The following EAF1 variants were observed in gnomAD, a reference collection of about 807,000 sequenced individuals.
EAF1 encodes the protein ELL associated factor 1.
A neutral mutation model predicts 26.6 loss-of-function variants in EAF1; 19 were observed. The ratio of observed to expected loss-of-function variants is 0.71; its 90% CI spans 0.50 to 1.05. The LOEUF (loss-of-function observed/expected upper bound fraction) is 1.05. Among genes scored for constraint, EAF1 ranks in the 50% least tolerant of loss-of-function variants. The probability of loss-of-function intolerance (pLI) is 0.00; values close to 1 mark genes in which losing one functional copy is unlikely to be tolerated. For synonymous variants in EAF1, 102 were observed against 120.6 expected (o/e 0.85, Z 1.01); for missense variants, 260 against 335.5 (o/e 0.78, Z 1.76).
At chr3:15,433,608 G>A (rs995328507) in intron 3 of EAF1, among the ~76,000 whole-genome samples, 11 of 152,216 alleles carry the variant, frequency 7.2e-5, no homozygotes, top group Non-Finnish European at 1.2e-4. Flanking sequence ...GCTTGGGATG[G>A]AATTCTGCTT....
intron 2 of EAF1, among the ~76,000 whole-genome samples, chr3:15,431,362 A>C (rs573003272): frequency 6.6e-6 from 1 of 152,348 alleles, no homozygotes; most frequent in Non-Finnish European, 1.5e-5. Context: ...AGGTTGGGTC[A>C]TTTAAAGAGA....
In EAF1 at chr3:15,440,204, T is replaced by G. The variant is rs1013387333; in HGVS notation, c.*1049T>G. ...TAGATAGAAGTTCTGCAATATGAAA[T>G]GAGCACATTCTTTGATAAGGCGTAT... On this transcript the variant is annotated 3_prime_UTR_variant, in exon 6 of 6. Coordinates refer to ENST00000396842, the MANE Select transcript of EAF1 (RefSeq NM_033083.7). 6.6e-6 allele frequency: 1 copy of G among 152,198 alleles called. No homozygotes were observed. The highest frequency in any genetic ancestry group is 2.4e-5 in the African/African-American group (1 of 41,452). The allele number at this position is 152,198 out of a possible 1,614,324, so 9.4% of individuals were successfully genotyped here.
chr3:15,427,990 C>G, intron 1 of EAF1, 108 bp downstream of exon 1: 1 of 876,180 alleles, frequency 1.1e-6, no homozygotes. Flanking sequence ...GAACCCCCTG[C>G]CAGCGTCAGT....
Position 15,439,399 on chromosome 3 carries a change from T to C in EAF1, c.*244T>C. On this transcript the variant is annotated 3_prime_UTR_variant, in exon 6 of 6. Coordinates refer to ENST00000396842, the MANE Select transcript of EAF1 (RefSeq NM_033083.7). ...AGACCTGTAGAAGAGCTAACAGAAT[T>C]ATATTTCTATTTAGTTAAAATTGTT... 2.5e-6 allele frequency: 1 copy of C among 393,664 alleles called. No homozygotes were observed. 24.4% of individuals were successfully genotyped at this position (393,664 alleles called of 1,614,324 possible).
chr3:15,434,778 T>A (rs1291962656), intron 4 of EAF1, among the ~76,000 whole-genome samples: 5 of 152,246 alleles, frequency 3.3e-5, no homozygotes, highest in African/African-American at 7.2e-5. Flanking sequence ...GTAGCCATTC[T>A]GCTTAGAGGC....
In EAF1 at chr3:15,432,119, G is replaced by A. The variant is rs1275251747; in HGVS notation, c.231G>A (p.Gly77=). The change falls in exon 3 of 6, where the codon GGG becomes GGA. Residue 77 remains glycine, a synonymous_variant. Transcript: ENST00000396842. ...GSTPPMTVFK[G]NKRPYQKDCV... ...CACCACCCATGACTGTGTTCAAGGG[G>A]AACAAACGGCCTTACCAGAAAGACT... The A allele has an allele frequency of 3.1e-6, 5 of 1,613,974 alleles. No individual in the cohort carries two copies. The highest frequency in any genetic ancestry group is 4.2e-6 in the Non-Finnish European group (5 of 1,180,004).
At chr3:15,434,592 T>C in intron 4 of EAF1, 54 bp downstream of exon 4, 1 of 1,591,690 alleles carries the variant, frequency 6.3e-7, no homozygotes, top group Non-Finnish European at 8.6e-7. Flanking sequence ...GTGCTGAATT[T>C]TCTTGTGGAG....
At chr3:15,436,067 A>C (rs2061832911) in intron 4 of EAF1, 5 of 238,290 alleles carry the variant, frequency 2.1e-5, no homozygotes, top group Admixed American at 1.0e-4. Flanking sequence ...AATGGACTTA[A>C]TTCATTTCTT....
chr3:15,427,614 C>A lies in EAF1; in HGVS notation c.-166C>A. ...CTCAGATTCCTCTCTCACCCCCACGCAGAGGAGAGAACTTGCTTCTGGACC... is the reference window on the plus strand; with the variant it reads ...CTCAGATTCCTCTCTCACCCCCACGAAGAGGAGAGAACTTGCTTCTGGACC... On this transcript the variant is annotated 5_prime_UTR_variant, in exon 1 of 6. Transcript: ENST00000396842. The A allele has an allele frequency of 1.5e-6, 1 of 647,150 alleles. No homozygotes were observed. The highest frequency in any genetic ancestry group is 2.7e-6 in the Non-Finnish European group (1 of 369,798). 40.1% of individuals were successfully genotyped at this position (647,150 alleles called of 1,614,324 possible).
At chr3:15,435,553 T>C (rs527536734) in intron 4 of EAF1, among the ~76,000 whole-genome samples, 1 of 151,424 alleles carries the variant, frequency 6.6e-6, no homozygotes, top group Non-Finnish European at 1.5e-5. Flanking sequence ...AGAGCATGAG[T>C]GGTTAGTTGT....
chr3:15,436,224 T>G, intron 4 of EAF1, 118 bp from the exon 5 acceptor site: 1 of 734,042 alleles, frequency 1.4e-6, no homozygotes, highest in Non-Finnish European at 2.1e-6. Context: ...GAAGTAGGAC[T>G]TTGTTTTAAA....
At chr3:15,432,325 A>G (rs1283262583) in intron 3 of EAF1, 102 bp downstream of exon 3, 1 of 1,445,838 alleles carries the variant, frequency 6.9e-7, no homozygotes, top group East Asian at 2.3e-5. Context: ...ATAGTGTTCT[A>G]TCAATAATCT....
At position 15,433,233 on chromosome 3, in the gene EAF1, TAA is replaced by T. The variant is rs11328510; in HGVS notation, c.335+1032_335+1033del. ...AGTGAGTACGAAAGGTGCTATTATC[TAA>T]AAAAAAAAAAAAAAAAAAAAAGGTA... On this transcript the variant is annotated intron_variant, in intron 3 of 5. Transcript: ENST00000396842. 342 of 94,170 alleles carry T rather than the reference TAA, an allele frequency of 3.6e-3. 1 individual carries two copies. Among genetic ancestry groups the T allele is most frequent in the African/African-American group, 0.01 (267 of 26,262 alleles). The allele number at this position is 94,170 out of a possible 1,614,324, so 5.8% of individuals were successfully genotyped here. A position where few individuals can be genotyped will look rare whatever the true frequency, so the allele number is the denominator to read the frequency against.
chr3:15,431,314 G>A (rs1455474962), intron 2 of EAF1, among the ~76,000 whole-genome samples: 2 of 152,176 alleles, frequency 1.3e-5, no homozygotes, highest in Non-Finnish European at 2.9e-5. Flanking sequence ...CAAAATCAGG[G>A]ACAGCTTCCT....
Position 15,439,345 on chromosome 3 carries a change from T to C in EAF1, c.*190T>C, listed in dbSNP as rs1351485978. ...ATGGGTGATTTTCTCGTGTCATTTT[T>C]GAACAATCTCATCTTTCAAAGTTTA... On this transcript the variant is annotated 3_prime_UTR_variant, in exon 6 of 6. Transcript: ENST00000396842. 1 of 488,178 alleles carries C rather than the reference T, an allele frequency of 2.0e-6. No homozygotes were observed. Among genetic ancestry groups the C allele is most frequent in the African/African-American group, 2.0e-5 (1 of 51,280 alleles). The allele number at this position is 488,178 out of a possible 1,614,324, so 30.2% of individuals were successfully genotyped here.
intron 2 of EAF1, among the ~76,000 whole-genome samples, chr3:15,430,321 G>T (rs1328859427): frequency 6.6e-6 from 1 of 151,894 alleles, no homozygotes; most frequent in African/African-American, 2.4e-5. Context: ...TTAGCTGGGG[G>T]TGATGGCACA....
Position 15,436,477 on chromosome 3 carries a change from C to T in EAF1, c.662C>T (p.Pro221Leu), listed in dbSNP as rs145737507. The T allele has an allele frequency of 1.1e-5, 18 of 1,612,528 alleles. No homozygotes were observed. In the African/African-American group the frequency reaches 1.5e-4, roughly 13 times the overall value. ...GGCGAGGACAATGGCCCAGCCTCTC[C>T]TCCGCAGCCTTCACACCAGCAGCCC... is the stretch of plus-strand genomic sequence containing the variant. ...SGGEDNGPAS[P>L]PQPSHQQPYN... is the part of the protein sequence containing the mutation. The change falls in exon 5 of 6, where the codon CCT becomes CTT. Residue 221 changes from proline to leucine, a missense_variant. Pro to Leu is a moderately conservative substitution (Grantham distance 98, BLOSUM62 -3). Transcript: ENST00000396842.
chr3:15,429,850 T>C, intron 1 of EAF1, 63 bp from the exon 2 acceptor site: 1 of 957,428 alleles, frequency 1.0e-6, no homozygotes, highest in Admixed American at 1.9e-5. Context: ...TAAATGGAGA[T>C]GCCCAGGAAA....
Position 15,442,237 on chromosome 3 carries a change from A to C in EAF1, c.*3082A>C, listed in dbSNP as rs1317222690. 1 of 133,594 alleles carries C rather than the reference A, an allele frequency of 7.5e-6. No homozygotes were observed. Among genetic ancestry groups the C allele is most frequent in the African/African-American group, 3.3e-5 (1 of 30,750 alleles). 8.3% of individuals were successfully genotyped at this position (133,594 alleles called of 1,614,324 possible). A position where few individuals can be genotyped will look rare whatever the true frequency, so the allele number is the denominator to read the frequency against. ...TGTGTGTGTGTGTGTGTGTGTGTGT[A>C]TGAATGGTATATTTATTACATTATT... On this transcript the variant is annotated 3_prime_UTR_variant, in exon 6 of 6. Coordinates refer to ENST00000396842, the MANE Select transcript of EAF1 (RefSeq NM_033083.7).
Sources: gnomAD v4.1 joint callset for allele counts (sites outside exome capture counted in the v4.1 genomes callset) on GRCh38, gnomAD v4.1.1 for gene constraint, MANE v1.5 for transcripts, NCBI Gene and HGNC (gene_info 2026-07-23, HGNC 2026-07-21) for gene names.